The following RFTN2 variants were observed in gnomAD, a reference collection of about 807,000 sequenced individuals.
The protein encoded by RFTN2 is raftlin family member 2, also known as raftlin-2.
Under a neutral mutation model 52.7 loss-of-function variants are expected in RFTN2, and 34 were observed. That is an observed-to-expected ratio of 0.64 (90% CI 0.49 to 0.86). The LOEUF is 0.86. RFTN2 is among the 40% of genes least tolerant of loss of function. The pLI, the probability that RFTN2 is intolerant of heterozygous loss-of-function variation, is 0.00. For missense variants in RFTN2, 536 were observed against 600.1 expected (o/e 0.89, Z 1.12); for synonymous variants, 203 against 217.7 (o/e 0.93, Z 0.59).
chr2:197,606,258 G>T (rs970945095), intron 7 of RFTN2, among the ~76,000 whole-genome samples: 1 of 152,154 alleles, frequency 6.6e-6, no homozygotes, highest in Non-Finnish European at 1.5e-5. Context: ...TCAAAGCAGA[G>T]TATGAGTTCC....
At chr2:197,621,436 G>T (rs2088264371) in intron 5 of RFTN2, among the ~76,000 whole-genome samples, 1 of 135,812 alleles carries the variant, frequency 7.4e-6, no homozygotes. Context: ...AAGGTTTGTG[G>T]CAATCCTGCA....
chr2:197,626,614 C>CTTTTTTTTTTTTTTTTT (rs201711932), intron 5 of RFTN2, among the ~76,000 whole-genome samples: 1 of 97,592 alleles, frequency 1.0e-5, no homozygotes, highest in Non-Finnish European at 1.9e-5. Flanking sequence ...AAGGAATAAT[C>CTTTTTTTTTTTTTTTTT]TTCTTTTTTT....
chr2:197,577,604 T>G (rs988239813), intron 8 of RFTN2, among the ~76,000 whole-genome samples: 2 of 152,252 alleles, frequency 1.3e-5, no homozygotes, highest in Non-Finnish European at 2.9e-5. Flanking sequence ...ATACGGCTGA[T>G]GAACACTGCC....
chr2:197,599,981 C>A (rs774510188), intron 7 of RFTN2, among the ~76,000 whole-genome samples: 12 of 152,166 alleles, frequency 7.9e-5, no homozygotes, highest in Non-Finnish European at 1.2e-4. Context: ...GCCTCATCGT[C>A]CCAAGTAGCT....
rs183221223 is a variant in RFTN2 at position 197,590,743 on chromosome 2, G to A, written c.1233+5248C>T. 6.4e-4 allele frequency among the ~76,000 whole-genome samples: 97 copies of A among 152,154 alleles called. No individual in the cohort carries two copies. In the East Asian group the frequency reaches 0.017, roughly 27 times the overall value. On this transcript the variant is annotated intron_variant, in intron 8 of 8. Coordinates refer to ENST00000295049, the MANE Select transcript of RFTN2 (RefSeq NM_144629.3). ...ATGAACCCGCAGACCTCCACGGTGA[G>A]TGTTACAGCTCTTAACGTGGCGCGT...
chr2:197,582,940 T>A (rs766843824), intron 8 of RFTN2, among the ~76,000 whole-genome samples: 17 of 152,136 alleles, frequency 1.1e-4, no homozygotes, highest in Admixed American at 2.6e-4. Flanking sequence ...CATCGGTCAC[T>A]CCCACCTACT....
chr2:197,646,157 A>G (rs1485604609), intron 2 of RFTN2, among the ~76,000 whole-genome samples: 2 of 152,228 alleles, frequency 1.3e-5, no homozygotes. Context: ...TAGTGATAGT[A>G]TCTGTAGCTC....
intron 8 of RFTN2, among the ~76,000 whole-genome samples, chr2:197,594,946 C>G (rs1486244746): frequency 6.6e-6 from 1 of 152,204 alleles, no homozygotes; most frequent in Non-Finnish European, 1.5e-5. Context: ...CAAATCTCTG[C>G]AGCTTTGCCC....
Position 197,646,779 on chromosome 2 carries a change from A to G in RFTN2, c.140-113T>C, listed in dbSNP as rs2106252496. On this transcript the variant is annotated intron_variant, in intron 1 of 8. Coordinates refer to ENST00000295049, the MANE Select transcript of RFTN2 (RefSeq NM_144629.3). Reference sequence around the variant, plus strand: ...TAGGAAAAGATCTTGGCCGGGTGCAATGGCACATGCGTGTAATCCCAGCAC... The same window carrying G: ...TAGGAAAAGATCTTGGCCGGGTGCAGTGGCACATGCGTGTAATCCCAGCAC... 11 of 801,560 alleles carry G rather than the reference A, an allele frequency of 1.4e-5. No homozygotes were observed. The South Asian group carries it at 1.8e-4, about 13-fold the overall frequency. The allele number at this position is 801,560 out of a possible 1,614,324, so 49.7% of individuals were successfully genotyped here.
chr2:197,658,721 T>C lies in RFTN2; in HGVS notation c.140-12055A>G, dbSNP rs553797881. ...CTCCCCAACCACCAGCAGTTCTTTCTCAGTTCTTTAGGGGAAGAAACAAAT... is the reference window on the plus strand; with the variant it reads ...CTCCCCAACCACCAGCAGTTCTTTCCCAGTTCTTTAGGGGAAGAAACAAAT... On this transcript the variant is annotated intron_variant, in intron 1 of 8. Transcript: ENST00000295049. Among the ~76,000 whole-genome samples, 124 of 152,354 alleles carry C rather than the reference T, an allele frequency of 8.1e-4. 3 individuals are homozygous for C. The East Asian group carries it at 0.022, about 27-fold the overall frequency.
At chr2:197,598,747 G>A (rs182669282) in intron 7 of RFTN2, among the ~76,000 whole-genome samples, 1 of 152,238 alleles carries the variant, frequency 6.6e-6, no homozygotes, top group Admixed American at 6.5e-5. Context: ...CAGTAAATTT[G>A]GGAACCATCA....
At chr2:197,579,755 T>C (rs2087475169) in intron 8 of RFTN2, among the ~76,000 whole-genome samples, 1 of 151,966 alleles carries the variant, frequency 6.6e-6, no homozygotes. Context: ...GACCTCTCCC[T>C]TCCTCCCCAG....
intron 7 of RFTN2, among the ~76,000 whole-genome samples, chr2:197,598,982 C>T (rs1375808777): frequency 2.0e-5 from 3 of 150,862 alleles, no homozygotes; most frequent in African/African-American, 4.9e-5. Flanking sequence ...GACGGAGTCT[C>T]GCTCTGTCGC....
At chr2:197,578,133 G>C (rs543145656) in intron 8 of RFTN2, among the ~76,000 whole-genome samples, 1 of 152,282 alleles carries the variant, frequency 6.6e-6, no homozygotes, top group African/African-American at 2.4e-5. Flanking sequence ...CAGCGCTAGG[G>C]CCAAAGGTAA....
intron 8 of RFTN2, among the ~76,000 whole-genome samples, chr2:197,582,724 T>C (rs1279212436): frequency 1.3e-5 from 2 of 152,190 alleles, no homozygotes; most frequent in Non-Finnish European, 2.9e-5. Flanking sequence ...CACTACACAA[T>C]GGTCCTCCAT....
chr2:197,637,916 C>T (rs918477942), intron 3 of RFTN2, among the ~76,000 whole-genome samples: 28 of 151,554 alleles, frequency 1.8e-4, no homozygotes, highest in Non-Finnish European at 2.9e-4. Context: ...TTGAATGCAT[C>T]CCAGAGATTC....
intron 1 of RFTN2, among the ~76,000 whole-genome samples, chr2:197,657,086 A>ACTC (rs2088905264): frequency 6.6e-6 from 1 of 151,954 alleles, no homozygotes; most frequent in Non-Finnish European, 1.5e-5. Context: ...CTTGTACTGA[A>ACTC]CTCCTGGCCT....
In RFTN2 at chr2:197,602,428, T is replaced by A. The variant is rs149963734; in HGVS notation, c.1155-6359A>T. Among the ~76,000 whole-genome samples, 562 of 152,324 alleles carry A rather than the reference T, an allele frequency of 3.7e-3. 5 individuals are homozygous for A. The highest frequency in any genetic ancestry group is 0.011 in the African/African-American group (439 of 41,570). ...AGTTACAAGGACAACTTGAACTTCTTCTTGGTTCAATATGTGCCCATAATT... is the reference window on the plus strand; with the variant it reads ...AGTTACAAGGACAACTTGAACTTCTACTTGGTTCAATATGTGCCCATAATT... On this transcript the variant is annotated intron_variant, in intron 7 of 8. Coordinates refer to ENST00000295049, the MANE Select transcript of RFTN2 (RefSeq NM_144629.3).
intron 1 of RFTN2, among the ~76,000 whole-genome samples, chr2:197,674,280 CAAAG>C (rs1298064918): frequency 1.1e-4 from 10 of 92,078 alleles, no homozygotes; most frequent in Admixed American, 3.5e-4. Context: ...TAATTTTTGA[CAAAG>C]AAAAATGGGC....
Sources: gnomAD v4.1 joint callset for allele counts (sites outside exome capture counted in the v4.1 genomes callset) on GRCh38, gnomAD v4.1.1 for gene constraint, MANE v1.5 for transcripts, NCBI Gene and HGNC (gene_info 2026-07-23, HGNC 2026-07-21) for gene names.